ZNF365: variants seen among roughly 807,000 people sequenced by gnomAD.
ZNF365 encodes zinc finger protein 365.
Under a neutral mutation model 35.0 loss-of-function variants are expected in ZNF365, and 22 were observed. The observed-to-expected ratio is 0.63, with a 90% CI of 0.45 to 0.90. The LOEUF is 0.90. Among genes scored for constraint, ZNF365 ranks in the 40% least tolerant of loss-of-function variants. ZNF365 has a pLI of 0.00. For missense variants in ZNF365, 448 were observed against 500.3 expected (o/e 0.90, Z 1.00); for synonymous variants, 188 against 196.2 (o/e 0.96, Z 0.35).
In ZNF365 at chr10:62,376,363, C is replaced by T. The variant is rs1839328536; in HGVS notation, c.170C>T (p.Thr57Ile). The T allele has an allele frequency of 2.5e-6, 4 of 1,614,048 alleles. No individual in the cohort carries two copies. The highest frequency in any genetic ancestry group is 2.5e-6 in the Non-Finnish European group (3 of 1,180,042). ...LEFSHSYEERTLLTKCSLFPS... is the reference protein window; with the variant it reads ...LEFSHSYEERILLTKCSLFPS... ...TTCAGTCACAGCTACGAAGAAAGAA[C>T]CCTCTTGACAAAATGCAGTCTCTTT... Residue 57 changes from threonine to isoleucine, a missense_variant, in exon 2 of 5, where the codon ACC (threonine) becomes ATC (isoleucine). Coordinates refer to ENST00000395254, the MANE Select transcript of ZNF365 (RefSeq NM_014951.3).
intron 3 of ZNF365, among the ~76,000 whole-genome samples, chr10:62,393,511 C>T (rs572382805): frequency 3.3e-5 from 5 of 152,196 alleles, no homozygotes; most frequent in South Asian, 2.1e-4. Context: ...GGAACACCCT[C>T]GTATATGCAG....
intron 3 of ZNF365, among the ~76,000 whole-genome samples, chr10:62,437,918 A>G (rs1840432128): frequency 6.6e-6 from 1 of 152,120 alleles, no homozygotes; most frequent in South Asian, 2.1e-4. Context: ...TGGTTTGATG[A>G]GTTTTATTTG....
chr10:62,479,730 T>A (rs1321573364), intron 4 of ZNF365: 2 of 631,758 alleles, frequency 3.2e-6, no homozygotes. Flanking sequence ...GTGTCTATCA[T>A]AGTTTGGCAG....
intron 4 of ZNF365, among the ~76,000 whole-genome samples, chr10:62,465,206 G>A (rs942718517): frequency 6.6e-6 from 1 of 152,182 alleles, no homozygotes; most frequent in Non-Finnish European, 1.5e-5. Flanking sequence ...GTCGCAACCT[G>A]GTCAGGTTGC....
chr10:62,449,360 T>A (rs1227910489), intron 3 of ZNF365, among the ~76,000 whole-genome samples: 2 of 152,194 alleles, frequency 1.3e-5, no homozygotes, highest in Non-Finnish European at 2.9e-5. Flanking sequence ...GGGGTTCCAG[T>A]GTGGGTGTCC....
chr10:62,412,187 A>G lies in ZNF365; in HGVS notation c.924+23611A>G, dbSNP rs1355930087. ...ATAGGCAGAACTAAAGACAAATAAC[A>G]CAAGATTATCTCAATAGATGCAGAA... On this transcript the variant is annotated intron_variant, in intron 3 of 4. Transcript: ENST00000395255. Among the ~76,000 whole-genome samples the G allele has an allele frequency of 1.3e-5, 2 of 152,172 alleles. 1 individual carries two copies. The highest frequency in any genetic ancestry group is 4.8e-5 in the African/African-American group (2 of 41,406).
chr10:62,478,697 C>A (rs1841172400), intron 4 of ZNF365, among the ~76,000 whole-genome samples: 1 of 152,216 alleles, frequency 6.6e-6, no homozygotes, highest in African/African-American at 2.4e-5. Flanking sequence ...CCTCAGCCTC[C>A]CATGTAGCTG....
intron 3 of ZNF365, among the ~76,000 whole-genome samples, chr10:62,419,146 A>T (rs1241111830): frequency 6.6e-6 from 1 of 151,940 alleles, no homozygotes; most frequent in South Asian, 2.1e-4. Context: ...GATACAGTCT[A>T]CTCCTGAAGA....
chr10:62,467,199 C>T (rs555971689), intron 4 of ZNF365, among the ~76,000 whole-genome samples: 19 of 152,204 alleles, frequency 1.2e-4, no homozygotes, highest in African/African-American at 4.3e-4. Context: ...ATGTTTTCTT[C>T]TTTTGTTGTG....
At chr10:62,459,948 T>G in intron 4 of ZNF365, 1 of 678,478 alleles carries the variant, frequency 1.5e-6, no homozygotes, top group Non-Finnish European at 2.5e-6. Flanking sequence ...TCCCAAGTCA[T>G]CATTAGCAAG....
At position 62,450,859 on chromosome 10, in the gene ZNF365, G is replaced by A. The variant is rs189890202; in HGVS notation, c.925-8882G>A. Among the ~76,000 whole-genome samples, 735 of 152,314 alleles carry A rather than the reference G, an allele frequency of 4.8e-3. 5 individuals are homozygous for A. Among genetic ancestry groups the A allele is most frequent in the Non-Finnish European group, 6.3e-3 (429 of 68,024 alleles). On this transcript the variant is annotated intron_variant, in intron 3 of 4. Transcript: ENST00000395255. ...CTTGGTAAATGAAATTAATATCTGA[G>A]ACTTCCTCTAAATGAACCTATTCCC...
intron 4 of ZNF365, among the ~76,000 whole-genome samples, chr10:62,477,070 TG>T (rs371622787): frequency 6.6e-6 from 1 of 152,062 alleles, no homozygotes; most frequent in African/African-American, 2.4e-5. Context: ...ACGCCTGGCA[TG>T]GGGGGGATTA....
chr10:62,402,515 A>C (rs767999192), downstream of ZNF365: 930 of 942,186 alleles, frequency 9.9e-4, no homozygotes, highest in Non-Finnish European at 9.7e-4. Context: ...ATCCACTAAC[A>C]GGAAACAAAA....
At chr10:62,450,609 A>T (rs569248342) in intron 3 of ZNF365, among the ~76,000 whole-genome samples, 1 of 152,330 alleles carries the variant, frequency 6.6e-6, no homozygotes, top group East Asian at 1.9e-4. Context: ...CTGCTGCTTT[A>T]TTCTTCTCCA....
intron 3 of ZNF365, among the ~76,000 whole-genome samples, chr10:62,441,841 G>C (rs1840506709): frequency 6.6e-6 from 1 of 152,162 alleles, no homozygotes. Flanking sequence ...GCAGGGAAAT[G>C]GATTATAGCA....
chr10:62,453,827 C>T (rs945848022), intron 3 of ZNF365, among the ~76,000 whole-genome samples: 2 of 152,044 alleles, frequency 1.3e-5, no homozygotes, highest in African/African-American at 4.8e-5. Flanking sequence ...AACTTGGAAA[C>T]AATTTAAATG....
At chr10:62,438,251 C>G (rs1361092857) in intron 3 of ZNF365, among the ~76,000 whole-genome samples, 1 of 151,026 alleles carries the variant, frequency 6.6e-6, no homozygotes, top group Non-Finnish European at 1.5e-5. Context: ...TGCAATGGCT[C>G]TATCTCAGCT....
At chr10:62,452,880 C>T (rs1840706100) in intron 3 of ZNF365, among the ~76,000 whole-genome samples, 2 of 152,200 alleles carry the variant, frequency 1.3e-5, no homozygotes, top group Admixed American at 1.3e-4. Flanking sequence ...GCCCAAGGTC[C>T]CTTGAATCCT....
chr10:62,420,175 G>T (rs150827311), intron 3 of ZNF365, among the ~76,000 whole-genome samples: 22 of 152,042 alleles, frequency 1.4e-4, no homozygotes, highest in African/African-American at 5.3e-4. Context: ...AAATTAATTG[G>T]CCTACAATTT....
Sources: gnomAD v4.1 joint callset for allele counts (sites outside exome capture counted in the v4.1 genomes callset) on GRCh38, gnomAD v4.1.1 for gene constraint, MANE v1.5 for transcripts, NCBI Gene and HGNC (gene_info 2026-07-23, HGNC 2026-07-21) for gene names.